The following TNKS variants were observed in gnomAD, a reference collection of about 807,000 sequenced individuals.
TNKS encodes tankyrase.
In TNKS, 72 loss-of-function variants were observed where a neutral mutation model predicts 135.8. The ratio of observed to expected loss-of-function variants is 0.53; its 90% CI spans 0.44 to 0.64. The LOEUF is 0.64. Ranked by LOEUF, TNKS falls within the 30% of genes least tolerant of loss-of-function variation. The pLI is 0.00. For missense variants in TNKS, 1,769 were observed against 1,674.0 expected, an observed-to-expected ratio of 1.06 and a Z score of -0.99; for synonymous variants, 849 against 649.3, an observed-to-expected ratio of 1.31 and a Z score of -4.68.
rs1177678977 is a variant in TNKS at position 9,781,507 on chromosome 8, C to T, written c.*4771C>T. On this transcript the variant is annotated 3_prime_UTR_variant, in exon 27 of 27. Transcript: ENST00000310430. ...CCGATAGCCTAGACCTAGAAGATGA[C>T]CTTGAGTATGTAAACATTGTCTCCG... is the stretch of plus-strand genomic sequence containing the variant. 6.6e-6 allele frequency: 1 copy of T among 152,174 alleles called. No individual in the cohort carries two copies. Among genetic ancestry groups the T allele is most frequent in the African/African-American group, 2.4e-5 (1 of 41,420 alleles). 9.4% of individuals were successfully genotyped at this position (152,174 alleles called of 1,614,324 possible). A position where few individuals can be genotyped will look rare whatever the true frequency, so the allele number is the denominator to read the frequency against.
At chr8:9,658,342 G>C in intron 3 of TNKS, 4 of 1,080,422 alleles carry the variant, frequency 3.7e-6, no homozygotes, top group South Asian at 2.2e-5. Context: ...TCCAGCCGCT[G>C]CCTCCCAGGC....
chr8:9,712,971 G>A (rs1260205185), intron 11 of TNKS, among the ~76,000 whole-genome samples: 1 of 151,974 alleles, frequency 6.6e-6, no homozygotes, highest in Admixed American at 6.6e-5. Flanking sequence ...CTTTGTGTAA[G>A]TTTTATAATA....
chr8:9,659,802 G>T (rs2128786675), intron 3 of TNKS, among the ~76,000 whole-genome samples: 1 of 152,238 alleles, frequency 6.6e-6, no homozygotes, highest in South Asian at 2.1e-4. Flanking sequence ...CCAGGAGCTG[G>T]TTTTTTGGAA....
chr8:9,742,319 CTTTT>C (rs1419991365), intron 17 of TNKS, among the ~76,000 whole-genome samples: 1 of 133,590 alleles, frequency 7.5e-6, no homozygotes. Context: ...TTTTAATTAC[CTTTT>C]TTTTTTTTTG....
chr8:9,577,419 T>G (rs1397116814), intron 1 of TNKS, among the ~76,000 whole-genome samples: 1 of 152,174 alleles, frequency 6.6e-6, no homozygotes, highest in Admixed American at 6.5e-5. Context: ...AGAAAAGAGA[T>G]TTAACTGACT....
At chr8:9,736,168 C>T (rs1279822903) in intron 17 of TNKS, among the ~76,000 whole-genome samples, 1 of 150,818 alleles carries the variant, frequency 6.6e-6, no homozygotes, top group African/African-American at 2.4e-5. Context: ...AAAAGCTGTG[C>T]AGCTGTTATA....
chr8:9,757,880 A>G (rs987060346), intron 20 of TNKS, among the ~76,000 whole-genome samples: 6 of 152,232 alleles, frequency 3.9e-5, no homozygotes. Flanking sequence ...ATGAGCTAAC[A>G]TAAATCTGAA....
At chr8:9,571,756 G>T (rs961876632) in intron 1 of TNKS, among the ~76,000 whole-genome samples, 2 of 152,090 alleles carry the variant, frequency 1.3e-5, no homozygotes, top group Non-Finnish European at 1.5e-5. Context: ...GAGCCACCGC[G>T]CCCGGGGATT....
chr8:9,763,267 C>T (rs1370961453), intron 22 of TNKS, 23 bp downstream of exon 22: 3 of 1,482,830 alleles, frequency 2.0e-6, no homozygotes, highest in African/African-American at 2.8e-5. Context: ...AGAAATCTTT[C>T]ATTTGCTTTT....
At chr8:9,696,477 T>C (rs1468846773) in intron 5 of TNKS, among the ~76,000 whole-genome samples, 1 of 152,012 alleles carries the variant, frequency 6.6e-6, no homozygotes, top group Non-Finnish European at 1.5e-5. Context: ...AAAAGGCATC[T>C]GGATAGGGAA....
intron 2 of TNKS, among the ~76,000 whole-genome samples, chr8:9,596,413 A>T (rs1008180046): frequency 3.9e-5 from 6 of 152,202 alleles, no homozygotes; most frequent in African/African-American, 9.7e-5. Context: ...AAAACTATTA[A>T]GTATAATAAT....
intron 2 of TNKS, among the ~76,000 whole-genome samples, chr8:9,583,701 A>G (rs142321474): frequency 6.6e-6 from 1 of 151,896 alleles, no homozygotes; most frequent in Non-Finnish European, 1.5e-5. Context: ...GTTGGCCAGG[A>G]TGCTCTCGAT....
At chr8:9,611,956 G>C (rs1221500202) in intron 2 of TNKS, among the ~76,000 whole-genome samples, 1 of 152,170 alleles carries the variant, frequency 6.6e-6, no homozygotes, top group Non-Finnish European at 1.5e-5. Context: ...GGGAGAAGAA[G>C]AGATTCTATT....
intron 17 of TNKS, among the ~76,000 whole-genome samples, chr8:9,746,315 G>T (rs890246935): frequency 2.6e-5 from 4 of 152,134 alleles, no homozygotes; most frequent in African/African-American, 9.7e-5. Context: ...CCTATTTGTT[G>T]AATCAGTAGT....
At chr8:9,622,072 A>G (rs979861025) in intron 3 of TNKS, among the ~76,000 whole-genome samples, 2 of 152,214 alleles carry the variant, frequency 1.3e-5, no homozygotes, top group African/African-American at 4.8e-5. Context: ...GAGCAGGAAA[A>G]TTTAAAGTTT....
At chr8:9,650,874 G>A (rs1801123975) in intron 3 of TNKS, among the ~76,000 whole-genome samples, 1 of 152,086 alleles carries the variant, frequency 6.6e-6, no homozygotes, top group Non-Finnish European at 1.5e-5. Context: ...TGTGTTGTTG[G>A]TTGTGAATTC....
At chr8:9,730,683 T>G (rs1805393839) in intron 13 of TNKS, among the ~76,000 whole-genome samples, 1 of 152,236 alleles carries the variant, frequency 6.6e-6, no homozygotes, top group Non-Finnish European at 1.5e-5. Context: ...AAACATTAAT[T>G]TGCTCTGTAC....
chr8:9,576,123 T>C (rs1230128102), intron 1 of TNKS, among the ~76,000 whole-genome samples: 1 of 152,168 alleles, frequency 6.6e-6, no homozygotes, highest in Admixed American at 6.5e-5. Context: ...TGAAATTACC[T>C]GATTGGCTTA....
chr8:9,746,259 A>G (rs1585408995), intron 17 of TNKS, among the ~76,000 whole-genome samples: 1 of 152,216 alleles, frequency 6.6e-6, no homozygotes, highest in Admixed American at 6.5e-5. Flanking sequence ...AACATCCTAA[A>G]TGTATTTATA....
Sources: gnomAD v4.1 joint callset for allele counts (sites outside exome capture counted in the v4.1 genomes callset) on GRCh38, gnomAD v4.1.1 for gene constraint, MANE v1.5 for transcripts, NCBI Gene and HGNC (gene_info 2026-07-23, HGNC 2026-07-21) for gene names.